Variants in LMTK3 observed in about 807,000 individuals in gnomAD.
LMTK3 encodes lemur tail kinase 3, also known as serine/threonine-protein kinase LMTK3.
In LMTK3, 27 loss-of-function variants were observed where a neutral mutation model predicts 116.7. The ratio of observed to expected loss-of-function variants is 0.23; its 90% CI spans 0.17 to 0.32. The LOEUF (loss-of-function observed/expected upper bound fraction) is 0.32, where lower values mean the gene tolerates loss of function less well. LMTK3 is among the 10% of genes least tolerant of loss of function. LMTK3 has a pLI of 1.00. For synonymous variants in LMTK3, 965 were observed against 971.0 expected, an observed-to-expected ratio of 0.99 and a Z score of 0.11; for missense variants, 1,764 against 2,068.5, an observed-to-expected ratio of 0.85 and a Z score of 2.86.
At chr19:48,493,393 C>T (rs1972261093) in intron 12 of LMTK3, among the ~76,000 whole-genome samples, 1 of 139,756 alleles carries the variant, frequency 7.2e-6, no homozygotes, top group Non-Finnish European at 1.5e-5. Flanking sequence ...CCCCAGGCCC[C>T]GCCCCACTCT....
Position 48,509,525 on chromosome 19 carries a change from A to G in LMTK3, c.362-12T>C, listed in dbSNP as rs753489282. 46 of 1,544,030 alleles carry G rather than the reference A, an allele frequency of 3.0e-5. No individual in the cohort carries two copies. The African/African-American group carries it at 5.5e-4, about 18-fold the overall frequency. On this transcript the variant is annotated splice_polypyrimidine_tract_variant and intron_variant, in intron 3 of 14. Coordinates refer to ENST00000600059, the MANE Select transcript of LMTK3 (RefSeq NM_001388485.1). ...GGGGGTGGTCATGTCTGGGGAGGGCAAGAGGGGAAAGCCCCTGAGTCTCTC... is the reference window on the plus strand; with the variant it reads ...GGGGGTGGTCATGTCTGGGGAGGGCGAGAGGGGAAAGCCCCTGAGTCTCTC...
chr19:48,499,362 G>A lies in LMTK3; in HGVS notation c.1707C>T (p.Ala569=), dbSNP rs768791679. 5.3e-5 allele frequency: 76 copies of A among 1,425,732 alleles called. No homozygotes were observed. The highest frequency in any genetic ancestry group is 2.5e-4 in the Middle Eastern group (1 of 4,008). The allele number at this position is 1,425,732 out of a possible 1,614,324, so 88.3% of individuals were successfully genotyped here. A position where few individuals can be genotyped will look rare whatever the true frequency, so the allele number is the denominator to read the frequency against. Residue 569 remains alanine (A), a synonymous_variant, in exon 11 of 15, where the codon GCC becomes GCT. Coordinates refer to ENST00000600059, the MANE Select transcript of LMTK3 (RefSeq NM_001388485.1). ...GGGGGACCTCGGAGGGGGCCTGGGG[G>A]GCCTGAGGGGCGGGCACTCCTGGGT... ...PLDPGVPAPQ[A]PQAPSEVPQL...
chr19:48,498,456 T>C lies in LMTK3; in HGVS notation c.2613A>G (p.Thr871=). Residue 871 remains threonine, a synonymous_variant, in exon 11 of 15, where the codon ACA becomes ACG. Transcript: ENST00000600059. ...CCCCCTTCTCCCCCAGGAGGTTCCT[T>C]GTCACATCCTCCCGCAGGGACATCA... ...QLLMSLREDV[T]RNLLGEKGAT... The C allele has an allele frequency of 1.9e-6, 3 of 1,604,066 alleles. No homozygotes were observed. The highest frequency in any genetic ancestry group is 2.6e-6 in the Non-Finnish European group (3 of 1,175,378).
At position 48,497,439 on chromosome 19, in the gene LMTK3, T is replaced by G. The variant is rs556491743; in HGVS notation, c.3630A>C (p.Leu1210=). The change falls in exon 11 of 15, where the codon CTA becomes CTC. Residue 1210 remains leucine, a synonymous_variant. Coordinates refer to ENST00000600059, the MANE Select transcript of LMTK3 (RefSeq NM_001388485.1). The surrounding 1 kb of genome is among the most constrained non-coding windows in gnomAD (Gnocchi z 5.7). Reference sequence around the variant, plus strand: ...CCTGAGGGGGTCCCAAGTCCAAGAATAGTCGTGGCATCTCGGGGCCCTTCC... The same window carrying G: ...CCTGAGGGGGTCCCAAGTCCAAGAAGAGTCGTGGCATCTCGGGGCCCTTCC... ...PERKGPEMPR[L]FLDLGPPQGN... is the part of the protein sequence containing the mutation. 3.9e-6 allele frequency: 6 copies of G among 1,537,338 alleles called. No homozygotes were observed. Among genetic ancestry groups the G allele is most frequent in the Non-Finnish European group, 3.5e-6 (4 of 1,145,544 alleles).
intron 5 of LMTK3, among the ~76,000 whole-genome samples, chr19:48,505,669 C>T (rs1232411162): frequency 6.6e-6 from 1 of 152,004 alleles, no homozygotes; most frequent in Non-Finnish European, 1.5e-5. Context: ...CGAGACCAGC[C>T]TGGCCAACAT....
At chr19:48,505,727 G>A (rs1367270301) in intron 5 of LMTK3, among the ~76,000 whole-genome samples, 1 of 151,588 alleles carries the variant, frequency 6.6e-6, no homozygotes, top group African/African-American at 2.4e-5. Context: ...TGGGCTTGGT[G>A]GCACATGCCT....
chr19:48,497,842 C>T lies in LMTK3; in HGVS notation c.3227G>A (p.Gly1076Asp). The T allele has an allele frequency of 7.0e-7, 1 of 1,419,948 alleles. No individual in the cohort carries two copies. The highest frequency in any genetic ancestry group is 1.6e-5 in the South Asian group (1 of 64,486). 88.0% of individuals were successfully genotyped at this position (1,419,948 alleles called of 1,614,324 possible). Reference protein sequence around the residue: ...NGGETAPGPLGPAPKNGTLEP... With the variant: ...NGGETAPGPLDPAPKNGTLEP... ...CAGCGTCCCGTTCTTGGGGGCTGGG[C>T]CAAGGGGGCCAGGGGCTGTCTCCCC... The change falls in exon 11 of 15, where the codon GGC (glycine) becomes GAC (aspartate). Residue 1076 changes from glycine to aspartate, a missense_variant. Coordinates refer to ENST00000600059, the MANE Select transcript of LMTK3 (RefSeq NM_001388485.1). The surrounding 1 kb of genome is among the most constrained non-coding windows in gnomAD (Gnocchi z 5.7).
In LMTK3 at chr19:48,499,311, G is replaced by A; in HGVS notation, c.1758C>T (p.Ser586=). The change falls in exon 11 of 15, where the codon TCC becomes TCT. Residue 586 remains serine (S), a synonymous_variant. Coordinates refer to ENST00000600059, the MANE Select transcript of LMTK3 (RefSeq NM_001388485.1). ...VPQLVSETWA[S]PLFPAPRPFP... ...AGGGCCGGGGCGCAGGGAAGAGGGG[G>A]GAGGCCCAGGTCTCGGACACCAGCT... The A allele has an allele frequency of 1.3e-5, 19 of 1,418,868 alleles. No individual in the cohort carries two copies. Among genetic ancestry groups the A allele is most frequent in the Non-Finnish European group, 1.8e-5 (19 of 1,084,814 alleles). The allele number at this position is 1,418,868 out of a possible 1,614,324, so 87.9% of individuals were successfully genotyped here. A position where few individuals can be genotyped will look rare whatever the true frequency, so the allele number is the denominator to read the frequency against.
upstream of LMTK3, among the ~76,000 whole-genome samples, chr19:48,512,972 T>A (rs527924923): frequency 9.9e-5 from 15 of 151,108 alleles, no homozygotes; most frequent in East Asian, 2.9e-3. Context: ...GACACACACA[T>A]CACAAATACA....
At chr19:48,486,102 C>T (rs1243858825) in intron 14 of LMTK3, among the ~76,000 whole-genome samples, 2 of 129,490 alleles carry the variant, frequency 1.5e-5, no homozygotes, top group African/African-American at 6.4e-5. Flanking sequence ...CTCTGTCGCC[C>T]AGGCTGGAGT....
At chr19:48,513,144 C>T (rs2147566694), upstream of LMTK3, 1 of 1,601,098 alleles carries the variant, frequency 6.2e-7, no homozygotes, top group Non-Finnish European at 8.5e-7. This position sits in a 1 kb window ranked among gnomAD's most constrained non-coding sequence, Gnocchi z 5.6. Flanking sequence ...ACCCACGTTT[C>T]CCGTGCGGTT....
At chr19:48,510,718 C>T (rs1426251019) in intron 1 of LMTK3, 126 bp from the exon 2 acceptor site, 2 of 1,125,400 alleles carry the variant, frequency 1.8e-6, no homozygotes, top group Non-Finnish European at 2.4e-6. Flanking sequence ...GGTCCCTTGG[C>T]AGAGGTGCAG....
At chr19:48,502,288 C>T in intron 7 of LMTK3, 145 bp downstream of exon 7, 1 of 955,140 alleles carries the variant, frequency 1.0e-6, no homozygotes, top group African/African-American at 1.7e-5. Flanking sequence ...TCTCCTGGCC[C>T]CTTCTCCTCC....
At position 48,485,702 on chromosome 19, in the gene LMTK3, G is replaced by A. The variant is rs908582755; in HGVS notation, c.*71C>T. 18 of 1,533,068 alleles carry A rather than the reference G, an allele frequency of 1.2e-5. No individual in the cohort carries two copies. The highest frequency in any genetic ancestry group is 1.5e-5 in the Non-Finnish European group (17 of 1,121,356). 95.0% of individuals were successfully genotyped at this position (1,533,068 alleles called of 1,614,324 possible). A position where few individuals can be genotyped will look rare whatever the true frequency, so the allele number is the denominator to read the frequency against. The stretch of plus-strand genomic sequence containing the variant: ...CGGCGTCTGCGGTGGTGGCAGTGGC[G>A]CCGTCATCCACAGAGGATTCCATTC... On this transcript the variant is annotated 3_prime_UTR_variant, in exon 15 of 15. Transcript: ENST00000600059.
Position 48,501,116 on chromosome 19 carries a change from A to G in LMTK3, c.1031T>C (p.Phe344Ser). The change falls in exon 10 of 15, where the codon TTT becomes TCT. Residue 344 changes from phenylalanine (F) to serine (S), a missense_variant. Physicochemically the swap from Phe to Ser is radical, Grantham distance 155. Coordinates refer to ENST00000600059, the MANE Select transcript of LMTK3 (RefSeq NM_001388485.1). ...WSLGVTLWELFEFGAQPYRHL... is the reference protein window; with the variant it reads ...WSLGVTLWELSEFGAQPYRHL... ...GCGGTAGGGCTGGGCCCCAAACTCA[A>G]ACAGCTCCCACAGGGTCACCCCCAG... The G allele has an allele frequency of 6.2e-7, 1 of 1,605,826 alleles. No homozygotes were observed. Among genetic ancestry groups the G allele is most frequent in the Non-Finnish European group, 8.5e-7 (1 of 1,176,264 alleles).
chr19:48,508,062 G>T (rs1004812639), intron 5 of LMTK3, among the ~76,000 whole-genome samples: 1 of 152,082 alleles, frequency 6.6e-6, no homozygotes, highest in African/African-American at 2.4e-5. Context: ...GGTCCGATGC[G>T]CTGCGGCAGG....
intron 12 of LMTK3, 113 bp downstream of exon 12, chr19:48,493,581 C>G: frequency 7.3e-7 from 1 of 1,376,988 alleles, no homozygotes; most frequent in Non-Finnish European, 9.5e-7. Flanking sequence ...GCTCCGCCTC[C>G]CTCCAGGCCC....
Position 48,507,018 on chromosome 19 carries a change from C to G in LMTK3, c.557+1833G>C, listed in dbSNP as rs908190529. 3.9e-5 allele frequency among the ~76,000 whole-genome samples: 6 copies of G among 152,156 alleles called. 1 individual carries two copies. The highest frequency in any genetic ancestry group is 3.9e-4 in the Admixed American group (6 of 15,266). On this transcript the variant is annotated intron_variant, in intron 5 of 14. Coordinates refer to ENST00000600059, the MANE Select transcript of LMTK3 (RefSeq NM_001388485.1). ...TTTAGCCCAGGCTGGTCTCCAAGTC[C>G]TGAGCTCAGGCAGTCTGCCCGCCTT...
chr19:48,502,523 A>G lies in LMTK3; in HGVS notation c.704T>C (p.Leu235Pro). ...QRPPEGLSPE[L>P]PPRDLRTLQR... Reference sequence around the variant, plus strand: ...CAGCGTCCGCAGGTCTCGAGGGGGTAGCTCAGGGGACAGGCCCTCGGGGGG... The same window carrying G: ...CAGCGTCCGCAGGTCTCGAGGGGGTGGCTCAGGGGACAGGCCCTCGGGGGG... The change falls in exon 7 of 15, where the codon CTA becomes CCA. Residue 235 changes from leucine (L) to proline (P), a missense_variant. Physicochemically the swap from Leu to Pro is moderately conservative, Grantham distance 98 (BLOSUM62 -3). Transcript: ENST00000600059. 2 of 1,604,336 alleles carry G rather than the reference A, an allele frequency of 1.2e-6. No individual in the cohort carries two copies. Among genetic ancestry groups the G allele is most frequent in the Non-Finnish European group, 1.7e-6 (2 of 1,176,198 alleles).
Sources: gnomAD v4.1 joint callset for allele counts (sites outside exome capture counted in the v4.1 genomes callset) on GRCh38, gnomAD v4.1.1 for gene constraint, Gnocchi (gnomAD v3.1) non-coding constraint, MANE v1.5 for transcripts, NCBI Gene and HGNC (gene_info 2026-07-23, HGNC 2026-07-21) for gene names.